ITGB6: variants seen among roughly 807,000 people sequenced by gnomAD.
The protein encoded by ITGB6 is integrin beta-6.
ITGB6 carries 80 observed loss-of-function variants against 84.5 expected under a neutral mutation model. The ratio of observed to expected loss-of-function variants is 0.95; its 90% confidence interval spans 0.79 to 1.14. The LOEUF (loss-of-function observed/expected upper bound fraction) is 1.14, where lower values mean the gene tolerates loss of function less well. Ranked by LOEUF, ITGB6 falls within the 50% of genes most tolerant of loss-of-function variation. The pLI is 0.00. For synonymous variants in ITGB6, 383 were observed against 354.9 expected, an observed-to-expected ratio of 1.08 and a Z score of -0.89; for missense variants, 1,006 against 968.0, an observed-to-expected ratio of 1.04 and a Z score of -0.52.
chr2:160,129,534 G>T (rs1264231797), intron 10 of ITGB6, among the ~76,000 whole-genome samples: 1 of 152,058 alleles, frequency 6.6e-6, no homozygotes, highest in African/African-American at 2.4e-5. Context: ...CTATACAAGT[G>T]TTAGTTACTG....
At chr2:160,141,873 T>C (rs1684012599) in intron 8 of ITGB6, 109 bp downstream of exon 8, 1 of 660,988 alleles carries the variant, frequency 1.5e-6, no homozygotes, top group Non-Finnish European at 2.6e-6. Flanking sequence ...TTTTTTTGGA[T>C]AAGCACTCTC....
At chr2:160,141,553 C>T (rs1484439174) in intron 8 of ITGB6, among the ~76,000 whole-genome samples, 1 of 152,074 alleles carries the variant, frequency 6.6e-6, no homozygotes, top group East Asian at 1.9e-4. Context: ...GGTGGATAGC[C>T]AACACTTGTA....
At chr2:160,121,889 C>CT (rs540209773) in intron 12 of ITGB6, among the ~76,000 whole-genome samples, 3,820 of 143,842 alleles carry the variant, frequency 0.027, 63 homozygotes, top group African/African-American at 0.041. Context: ...TAAAGTTATG[C>CT]TTTTTTTTTT....
chr2:160,182,895 C>A (rs1685742768), intron 4 of ITGB6, among the ~76,000 whole-genome samples: 1 of 152,180 alleles, frequency 6.6e-6, no homozygotes, highest in Non-Finnish European at 1.5e-5. Context: ...CCAAACTGAG[C>A]TTCATAAGCG....
At chr2:160,183,582 G>A (rs922118702) in intron 4 of ITGB6, among the ~76,000 whole-genome samples, 10 of 152,114 alleles carry the variant, frequency 6.6e-5, no homozygotes, top group African/African-American at 2.2e-4. Flanking sequence ...ACAGATCAAT[G>A]AGACAGAAAA....
chr2:160,136,032 A>G (rs894552452), intron 10 of ITGB6, among the ~76,000 whole-genome samples: 3 of 152,228 alleles, frequency 2.0e-5, no homozygotes, highest in South Asian at 2.1e-4. Context: ...AGCAATGGCA[A>G]CAAAAGCCAA....
chr2:160,157,423 T>G (rs1483664195), intron 7 of ITGB6, among the ~76,000 whole-genome samples: 2 of 152,168 alleles, frequency 1.3e-5, no homozygotes, highest in African/African-American at 4.8e-5. Context: ...ATGTAATACA[T>G]GGTAGAAATA....
chr2:160,111,599 G>GTTTTTTT (rs35948673), intron 13 of ITGB6, among the ~76,000 whole-genome samples: 1 of 134,538 alleles, frequency 7.4e-6, no homozygotes, highest in African/African-American at 2.8e-5. Flanking sequence ...CATCTTAGCT[G>GTTTTTTT]TTTTTTTTTT....
At chr2:160,118,744 G>A (rs199882453) in intron 12 of ITGB6, among the ~76,000 whole-genome samples, 16,025 of 143,048 alleles carry the variant, frequency 0.11, 1,350 homozygotes, top group East Asian at 0.26. Flanking sequence ...TGCAGATGAT[G>A]TGATTGTATA....
intron 7 of ITGB6, among the ~76,000 whole-genome samples, chr2:160,144,483 C>A (rs1684115320): frequency 6.6e-6 from 1 of 152,178 alleles, no homozygotes; most frequent in Admixed American, 6.5e-5. Flanking sequence ...TACACAGGAA[C>A]TTGAATTCCA....
chr2:160,199,915 A>G (rs1686490841), intron 1 of ITGB6, 88 bp downstream of exon 1: 1 of 1,015,106 alleles, frequency 9.9e-7, no homozygotes, highest in South Asian at 1.4e-5. Context: ...GATCAAATAA[A>G]ACATGACTTC....
intron 13 of ITGB6, among the ~76,000 whole-genome samples, chr2:160,111,643 G>A (rs1244555498): frequency 1.3e-5 from 2 of 148,862 alleles, no homozygotes; most frequent in African/African-American, 2.5e-5. Context: ...GCAGTGGCGC[G>A]ATCTCGGATC....
rs1683815024 is a variant in ITGB6 at position 160,137,792 on chromosome 2, G to A, written c.1302C>T (p.Ile434=). The change falls in exon 10 of 15, where the codon ATC becomes ATT. Residue 434 remains isoleucine, a synonymous_variant. Transcript: ENST00000283249. ...PHCERRSRHI[I]IKPVGLGDAL... The stretch of plus-strand genomic sequence containing the variant: ...CATCCCCCAGCCCCACAGGCTTTAT[G>A]ATAATGTGCCTGCTTCTTCTCTCGC... 1 of 1,614,026 alleles carries A rather than the reference G, an allele frequency of 6.2e-7. No homozygotes were observed. The highest frequency in any genetic ancestry group is 8.5e-7 in the Non-Finnish European group (1 of 1,180,026).
intron 12 of ITGB6, among the ~76,000 whole-genome samples, chr2:160,121,288 TG>T (rs1393536376): frequency 6.6e-6 from 1 of 152,224 alleles, no homozygotes; most frequent in African/African-American, 2.4e-5. Flanking sequence ...TTGCCATTCC[TG>T]ATGATTCACA....
At chr2:160,199,138 G>T in intron 2 of ITGB6, 41 bp downstream of exon 2, 2 of 1,475,002 alleles carry the variant, frequency 1.4e-6, no homozygotes, top group Non-Finnish European at 1.9e-6. Flanking sequence ...GAATTTAACT[G>T]CAGACAGGTT....
chr2:160,120,647 C>A (rs1354840900), intron 12 of ITGB6, among the ~76,000 whole-genome samples: 1 of 42,602 alleles, frequency 2.3e-5, no homozygotes, highest in East Asian at 4.4e-4. Flanking sequence ...TGCACATGTA[C>A]CCTAAAACTT....
At chr2:160,183,116 T>A (rs754795946) in intron 4 of ITGB6, among the ~76,000 whole-genome samples, 2 of 152,104 alleles carry the variant, frequency 1.3e-5, no homozygotes, top group Non-Finnish European at 2.9e-5. Flanking sequence ...AGAATCACAA[T>A]GGTAGGATCA....
intron 7 of ITGB6, among the ~76,000 whole-genome samples, chr2:160,163,049 G>GAC (rs533565770): frequency 1.4e-3 from 218 of 152,272 alleles, no homozygotes; most frequent in African/African-American, 5.2e-3. Context: ...GATTACCATA[G>GAC]ACAGTAGCTG....
intron 7 of ITGB6, among the ~76,000 whole-genome samples, chr2:160,162,999 G>A (rs190703522): frequency 2.6e-5 from 4 of 152,158 alleles, no homozygotes; most frequent in Admixed American, 2.0e-4. Context: ...GTCAGACCAC[G>A]TGCCCCCAAT....
Sources: allele counts gnomAD v4.1 joint callset (sites outside exome capture counted in the v4.1 genomes callset), GRCh38; gene constraint gnomAD v4.1.1; transcripts MANE v1.5; gene names NCBI Gene and HGNC (gene_info 2026-07-23, HGNC 2026-07-21).